Variants in SYNE1 observed in about 807,000 individuals in gnomAD.
SYNE1 encodes the protein spectrin repeat containing nuclear envelope protein 1.
In SYNE1, 616 loss-of-function variants were observed where a neutral mutation model predicts 1,111.0. The observed-to-expected ratio is 0.55, with a 90% CI of 0.52 to 0.59. The LOEUF (loss-of-function observed/expected upper bound fraction) is 0.59, where lower values mean the gene tolerates loss of function less well. Among genes scored for constraint, SYNE1 ranks in the 20% least tolerant of loss-of-function variants. The probability of loss-of-function intolerance (pLI) is 0.00; values close to 1 mark genes in which losing one functional copy is unlikely to be tolerated. For missense variants in SYNE1, 10,006 were observed against 10,417.0 expected (o/e 0.96, Z 1.72); for synonymous variants, 3,855 against 3,825.8 (o/e 1.01, Z -0.28).
At chr6:152,234,643 A>G in intron 111 of SYNE1, 25 bp downstream of exon 111, 6 of 1,614,002 alleles carry the variant, frequency 3.7e-6, no homozygotes, top group Non-Finnish European at 5.1e-6. Flanking sequence ...GGCCTGAATC[A>G]AATGCTTTAG....
chr6:152,357,228 C>T (rs2096854067), intron 66 of SYNE1, among the ~76,000 whole-genome samples: 2 of 152,164 alleles, frequency 1.3e-5, no homozygotes, highest in South Asian at 4.1e-4. Context: ...TGTCTCTTGC[C>T]TGAAGTCACC....
In SYNE1 at chr6:152,581,790, G is replaced by A. The variant is rs151097401; in HGVS notation, c.68-41769C>T. 5.6e-3 allele frequency among the ~76,000 whole-genome samples: 857 copies of A among 152,202 alleles called. 8 individuals carry two copies. The highest frequency in any genetic ancestry group is 0.019 in the African/African-American group (775 of 41,516). ...TCACTGAGTCAAAATCACCAGTGGT[G>A]GGATCCAGGGTTTGAATTTTTGTAA... On this transcript the variant is annotated intron_variant, in intron 3 of 145. Transcript: ENST00000367255.
At chr6:152,596,220 T>G (rs1304583147) in intron 3 of SYNE1, among the ~76,000 whole-genome samples, 2 of 151,174 alleles carry the variant, frequency 1.3e-5, no homozygotes, top group African/African-American at 4.8e-5. Flanking sequence ...AGGTATTTTT[T>G]GACCATTTTC....
chr6:152,480,175 G>A (rs1419443298), intron 14 of SYNE1, among the ~76,000 whole-genome samples: 4 of 152,122 alleles, frequency 2.6e-5, no homozygotes, highest in Admixed American at 6.5e-5. Flanking sequence ...ACATCAAATC[G>A]AGAGACTGAG....
intron 39 of SYNE1, among the ~76,000 whole-genome samples, chr6:152,420,235 T>C (rs1389738642): frequency 6.6e-6 from 1 of 152,218 alleles, no homozygotes; most frequent in Non-Finnish European, 1.5e-5. Flanking sequence ...AAATTTGCTT[T>C]TTCTTTAAGG....
intron 130 of SYNE1, among the ~76,000 whole-genome samples, chr6:152,165,072 G>GCCCCCCC (rs71017524): frequency 1.3e-5 from 2 of 148,924 alleles, no homozygotes; most frequent in Non-Finnish European, 3.0e-5. Flanking sequence ...AGATATTCGC[G>GCCCCCCC]CCCCCTCCCC....
In SYNE1 at chr6:152,141,264, C is replaced by T; in HGVS notation, c.25185G>A (p.Lys8395=). 1.2e-6 allele frequency: 2 copies of T among 1,614,202 alleles called. No individual in the cohort carries two copies. The highest frequency in any genetic ancestry group is 1.7e-6 in the Non-Finnish European group (2 of 1,180,036). The part of the protein sequence containing the change: ...DSVKRLEHKL[K]EEEESLPGFV... ...AGCCAGGAAGGCTCTCCTCTTCCTC[C>T]TTCAGTTTGTGCTCCAGTCTCTTCA... Residue 8395 remains lysine (K), a synonymous_variant, in exon 139 of 146, where the codon AAG becomes AAA. Coordinates refer to ENST00000367255, the MANE Select transcript of SYNE1 (RefSeq NM_182961.4).
intron 38 of SYNE1, 65 bp from the exon 39 acceptor site, chr6:152,425,612 C>T: frequency 1.9e-6 from 3 of 1,592,806 alleles, no homozygotes; most frequent in Non-Finnish European, 1.7e-6. Context: ...CCATGCGGCA[C>T]AGGCGGCTGT....
At chr6:152,388,251 G>C (rs1336056836) in intron 53 of SYNE1, among the ~76,000 whole-genome samples, 2 of 149,706 alleles carry the variant, frequency 1.3e-5, no homozygotes, top group South Asian at 2.1e-4. Flanking sequence ...AGCACCCCCC[G>C]CCTTTTTTTT....
chr6:152,508,075 A>G (rs997185809), intron 8 of SYNE1, among the ~76,000 whole-genome samples: 2 of 152,208 alleles, frequency 1.3e-5, no homozygotes, highest in Non-Finnish European at 2.9e-5. Context: ...CATCACTCAT[A>G]CCTCAAAATG....
chr6:152,241,339 C>T (rs1230685082), intron 107 of SYNE1, among the ~76,000 whole-genome samples: 1 of 140,694 alleles, frequency 7.1e-6, no homozygotes, highest in Non-Finnish European at 1.6e-5. Flanking sequence ...AAAAACCCAC[C>T]TTTACAAGCC....
chr6:152,329,641 A>G, intron 78 of SYNE1, 89 bp downstream of exon 78: 2 of 1,539,910 alleles, frequency 1.3e-6, no homozygotes, highest in Non-Finnish European at 1.8e-6. Flanking sequence ...TATTTAAAGA[A>G]GCAATTATAA....
At chr6:152,537,953 C>T (rs1267375630) in intron 4 of SYNE1, among the ~76,000 whole-genome samples, 1 of 152,126 alleles carries the variant, frequency 6.6e-6, no homozygotes. Context: ...GTTTGGTTGT[C>T]AGTTTATCTG....
At chr6:152,578,076 T>C (rs1282381989) in intron 3 of SYNE1, among the ~76,000 whole-genome samples, 1 of 152,214 alleles carries the variant, frequency 6.6e-6, no homozygotes, top group South Asian at 2.1e-4. Flanking sequence ...AAATGGTTTT[T>C]TTTGCTACAA....
At chr6:152,507,076 G>A (rs1214694822) in intron 8 of SYNE1, among the ~76,000 whole-genome samples, 3 of 152,110 alleles carry the variant, frequency 2.0e-5, no homozygotes, top group Non-Finnish European at 4.4e-5. Context: ...GCTTGTCTCT[G>A]GTAGTACAGA....
intron 127 of SYNE1, among the ~76,000 whole-genome samples, chr6:152,194,841 G>T (rs535254089): frequency 1.3e-5 from 2 of 152,200 alleles, no homozygotes; most frequent in East Asian, 3.9e-4. Context: ...ATGTCTGATT[G>T]ATTCCTTTTA....
chr6:152,319,024 AT>A lies in SYNE1; in HGVS notation c.16237-10del. On this transcript the variant is annotated splice_polypyrimidine_tract_variant and intron_variant, in intron 84 of 145. Coordinates refer to ENST00000367255, the MANE Select transcript of SYNE1 (RefSeq NM_182961.4). The stretch of plus-strand genomic sequence containing the variant: ...TTTATTTTGTCTTGGATCTAAAAAA[AT>A]CAGTAAGAACAGCAAAACAAGCCAT... The A allele has an allele frequency of 6.2e-7, 1 of 1,614,032 alleles. No homozygotes were observed. The highest frequency in any genetic ancestry group is 2.2e-5 in the East Asian group (1 of 44,878).
Position 152,256,603 on chromosome 6 carries a change from C to G in SYNE1, c.19104+31G>C, listed in dbSNP as rs554999939. 1.2e-5 allele frequency: 20 copies of G among 1,612,412 alleles called. 1 individual carries two copies. In the South Asian group the frequency reaches 2.1e-4, roughly 17 times the overall value. ...CAAGCAAAACAAGACTCTTATAAACCAAGCCAAACACACTGATAACACAGC... is the reference window on the plus strand; with the variant it reads ...CAAGCAAAACAAGACTCTTATAAACGAAGCCAAACACACTGATAACACAGC... On this transcript the variant is annotated intron_variant, in intron 102 of 145. Coordinates refer to ENST00000367255, the MANE Select transcript of SYNE1 (RefSeq NM_182961.4).
intron 3 of SYNE1, among the ~76,000 whole-genome samples, chr6:152,605,006 AAG>A (rs1166561188): frequency 0.02 from 518 of 25,466 alleles, 18 homozygotes; most frequent in Admixed American, 0.026. Context: ...GAAAGAAAGA[AAG>A]AGAGAGAGAG....
Sources: gnomAD v4.1 joint callset for allele counts (sites outside exome capture counted in the v4.1 genomes callset) on GRCh38, gnomAD v4.1.1 for gene constraint, MANE v1.5 for transcripts, NCBI Gene and HGNC (gene_info 2026-07-23, HGNC 2026-07-21) for gene names.